The following IGFL2 variants were observed in gnomAD, a reference collection of about 807,000 sequenced individuals.
IGFL2 encodes the protein insulin growth factor-like family member 2.
IGFL2 carries 7 observed loss-of-function variants against 13.9 expected under a neutral mutation model. The ratio of observed to expected loss-of-function variants is 0.51; its 90% CI spans 0.29 to 0.95. The LOEUF (loss-of-function observed/expected upper bound fraction) is 0.95. Among genes scored for constraint, IGFL2 ranks in the 40% least tolerant of loss-of-function variants. The pLI, the probability that IGFL2 is intolerant of heterozygous loss-of-function variation, is 0.08. For synonymous variants in IGFL2, 55 were observed against 55.8 expected (o/e 0.99, Z 0.07); for missense variants, 138 against 147.8 (o/e 0.93, Z 0.34).
chr19:46,178,016 C>T, the IGFL2 span, among the ~76,000 whole-genome samples: 11 of 152,206 alleles, frequency 7.2e-5, no homozygotes, highest in African/African-American at 2.6e-4. Context: ...CGGTGGTTCA[C>T]GCCTGTAATC....
chr19:46,145,600 A>ATGTGTGTGTGTGTGTGTG (rs1024196099), upstream of IGFL2, among the ~76,000 whole-genome samples: 1 of 94,572 alleles, frequency 1.1e-5, no homozygotes, highest in African/African-American at 2.9e-5. Context: ...ACTCATATAT[A>ATGTGTGTGTGTGTGTGTG]TGTGTGTGTG....
the IGFL2 span, among the ~76,000 whole-genome samples, chr19:46,124,882 A>G: frequency 6.6e-6 from 1 of 150,628 alleles, no homozygotes; most frequent in Non-Finnish European, 1.5e-5. Flanking sequence ...CACAGAGCCG[A>G]ATGTTGCAGA....
At chr19:46,167,243 C>T in the IGFL2 span, among the ~76,000 whole-genome samples, 3 of 152,178 alleles carry the variant, frequency 2.0e-5, no homozygotes, top group African/African-American at 4.8e-5. Context: ...CAACAGGTAC[C>T]CTTTGGGCCA....
the IGFL2 span, among the ~76,000 whole-genome samples, chr19:46,137,909 A>G: frequency 1.3e-5 from 2 of 152,144 alleles, no homozygotes; most frequent in African/African-American, 4.8e-5. Context: ...TTTACTCTTT[A>G]AGCTCTTGAA....
chr19:46,108,259 G>A, the IGFL2 span, among the ~76,000 whole-genome samples: 16 of 152,222 alleles, frequency 1.1e-4, 1 homozygote, highest in South Asian at 2.5e-3. Context: ...GGGATGGGTC[G>A]CATTGTGAGC....
At chr19:46,170,328 A>G in the IGFL2 span, among the ~76,000 whole-genome samples, 3 of 152,176 alleles carry the variant, frequency 2.0e-5, no homozygotes, top group African/African-American at 7.2e-5. Context: ...GACATTTATC[A>G]CTTCCCCAAT....
intron 1 of IGFL2, chr19:46,149,158 CTCTT>C: frequency 2.9e-6 from 2 of 699,208 alleles, no homozygotes; most frequent in East Asian, 2.8e-5. Flanking sequence ...CTCCCTCTCT[CTCTT>C]CTCTCTCTCT....
the IGFL2 span, among the ~76,000 whole-genome samples, chr19:46,174,796 C>G: frequency 6.6e-6 from 1 of 152,208 alleles, no homozygotes; most frequent in Admixed American, 6.5e-5. Flanking sequence ...TCTCTAAATT[C>G]CCATCCTCTT....
chr19:46,195,258 C>G, the IGFL2 span: 3 of 152,486 alleles, frequency 2.0e-5, no homozygotes, highest in African/African-American at 7.3e-5. Flanking sequence ...CTCAAGCGAT[C>G]CTCTCACCTC....
the IGFL2 span, among the ~76,000 whole-genome samples, chr19:46,117,809 G>T: frequency 2.2e-4 from 33 of 152,264 alleles, no homozygotes; most frequent in African/African-American, 7.7e-4. Flanking sequence ...AATGAATCTT[G>T]CTTGGGACTA....
the IGFL2 span, among the ~76,000 whole-genome samples, chr19:46,213,639 A>G: frequency 6.6e-6 from 1 of 151,972 alleles, no homozygotes; most frequent in African/African-American, 2.4e-5. Context: ...TTCCCCATCC[A>G]CAGCGCCCGG....
chr19:46,191,539 C>A, the IGFL2 span, among the ~76,000 whole-genome samples: 1 of 152,126 alleles, frequency 6.6e-6, no homozygotes. Context: ...GCTCTGAGCT[C>A]TGAGGTGTGT....
the IGFL2 span, chr19:46,124,446 C>A: frequency 8.3e-7 from 1 of 1,209,256 alleles, no homozygotes; most frequent in Non-Finnish European, 1.2e-6. Context: ...GGGGCTAAGT[C>A]TGTATGGGAT....
chr19:46,173,363 A>G, the IGFL2 span, among the ~76,000 whole-genome samples: 4 of 152,264 alleles, frequency 2.6e-5, no homozygotes, highest in African/African-American at 9.6e-5. Flanking sequence ...CTGACCCATT[A>G]TAAAGCAGAC....
the IGFL2 span, among the ~76,000 whole-genome samples, chr19:46,210,664 T>C: frequency 6.6e-6 from 1 of 152,168 alleles, no homozygotes; most frequent in Admixed American, 6.5e-5. Flanking sequence ...TTCACGTTTT[T>C]CTTCCTGCTT....
At chr19:46,124,187 A>G in the IGFL2 span, 3 of 1,610,060 alleles carry the variant, frequency 1.9e-6, no homozygotes, top group East Asian at 4.5e-5. Context: ...TGTACATCCA[A>G]GGAAGAACAG....
At chr19:46,120,225 C>T in the IGFL2 span, 1 of 1,538,530 alleles carries the variant, frequency 6.5e-7, no homozygotes, top group Non-Finnish European at 8.8e-7. Context: ...AGCCATCCCT[C>T]TGAAGTCAAG....
chr19:46,142,496 G>A (rs534216412), upstream of IGFL2, among the ~76,000 whole-genome samples: 12 of 152,172 alleles, frequency 7.9e-5, no homozygotes, highest in South Asian at 1.0e-3. Flanking sequence ...AATACGTTGC[G>A]TAATATCTGA....
the IGFL2 span, among the ~76,000 whole-genome samples, chr19:46,128,320 T>G: frequency 6.6e-6 from 1 of 152,200 alleles, no homozygotes; most frequent in Non-Finnish European, 1.5e-5. Flanking sequence ...CTCTTTTTAT[T>G]TAGATGCCCT....
Sources: allele counts gnomAD v4.1 joint callset (sites outside exome capture counted in the v4.1 genomes callset), GRCh38; gene constraint gnomAD v4.1.1; transcripts MANE v1.5; gene names NCBI Gene and HGNC (gene_info 2026-07-23, HGNC 2026-07-21).